The following CCDC7 variants were observed in gnomAD, a reference collection of about 807,000 sequenced individuals.
The protein encoded by CCDC7 is coiled-coil domain-containing protein 7.
Under a neutral mutation model 196.9 loss-of-function variants are expected in CCDC7, and 183 were observed. The ratio of observed to expected loss-of-function variants is 0.93; its 90% CI spans 0.82 to 1.05. The LOEUF (loss-of-function observed/expected upper bound fraction) is 1.05. Ranked by LOEUF, CCDC7 falls within the 50% of genes least tolerant of loss-of-function variation. The pLI is 0.00. For synonymous variants in CCDC7, 525 were observed against 484.6 expected (o/e 1.08, Z -1.10); for missense variants, 1,540 against 1,482.2 (o/e 1.04, Z -0.64).
intron 37 of CCDC7, 90 bp downstream of exon 38, chr10:32,846,549 C>T (rs939068572): frequency 5.4e-6 from 4 of 739,560 alleles, no homozygotes; most frequent in African/African-American, 3.5e-5. Flanking sequence ...ACAATAGTGC[C>T]TACATGTTAG....
chr10:32,605,365 G>T (rs1394913279), intron 18 of CCDC7, among the ~76,000 whole-genome samples: 1 of 152,180 alleles, frequency 6.6e-6, no homozygotes, highest in Non-Finnish European at 1.5e-5. Flanking sequence ...ATGGGGCGTT[G>T]CTACAAAGAT....
At position 32,848,538 on chromosome 10, in the gene CCDC7, T is replaced by A. The variant is rs1297659947; in HGVS notation, c.3773-58T>A. The stretch of plus-strand genomic sequence containing the variant: ...TAAAGACAAATACGTGGAGATGGGA[T>A]TAGTGTGTGAATAGTCAAGAGTATT... On this transcript the variant is annotated intron_variant, in intron 38 of 41. Coordinates refer to ENST00000639629, the Ensembl canonical transcript of CCDC7. 7.2e-6 allele frequency: 9 copies of A among 1,247,778 alleles called. 1 individual carries two copies. The Admixed American group carries it at 1.8e-4, about 25-fold the overall frequency. 77.3% of individuals were successfully genotyped at this position (1,247,778 alleles called of 1,614,324 possible).
intron 33 of CCDC7, among the ~76,000 whole-genome samples, chr10:32,837,915 G>A (rs1171402795): frequency 7.3e-6 from 1 of 136,440 alleles, no homozygotes; most frequent in Non-Finnish European, 1.6e-5. Flanking sequence ...TCACACACCG[G>A]GGCTTGTTGT....
chr10:32,796,483 C>G (rs187274897), intron 29 of CCDC7, among the ~76,000 whole-genome samples: 6 of 152,136 alleles, frequency 3.9e-5, no homozygotes, highest in African/African-American at 1.4e-4. Context: ...TTCTATCTCC[C>G]AAATATAGTA....
At chr10:32,661,297 G>T (rs1270190756) in intron 20 of CCDC7, among the ~76,000 whole-genome samples, 1 of 150,278 alleles carries the variant, frequency 6.7e-6, no homozygotes, top group Non-Finnish European at 1.5e-5. Flanking sequence ...AGTTAGAATG[G>T]CAATCATTAA....
At chr10:32,671,702 C>T (rs2074088395) in intron 21 of CCDC7, among the ~76,000 whole-genome samples, 1 of 152,122 alleles carries the variant, frequency 6.6e-6, no homozygotes, top group African/African-American at 2.4e-5. Flanking sequence ...GCAGTCACCT[C>T]TTGTAGCCTC....
Position 32,537,490 on chromosome 10 carries a change from T to C in CCDC7, c.994-5810T>C, listed in dbSNP as rs893048485. Among the ~76,000 whole-genome samples, 4 of 152,212 alleles carry C rather than the reference T, an allele frequency of 2.6e-5. No homozygotes were observed. In the South Asian group the frequency reaches 8.3e-4, roughly 32 times the overall value. ...ATAGTTTCTTTTGTTATGCAGAAGC[T>C]CTTTAGTTTGGATCTCATTTGTTAA... On this transcript the variant is annotated intron_variant, in intron 11 of 41. Transcript: ENST00000639629.
chr10:32,568,008 T>TGA, intron 15 of CCDC7, 117 bp downstream of exon 16: 1 of 679,478 alleles, frequency 1.5e-6, no homozygotes, highest in Non-Finnish European at 2.0e-6. Flanking sequence ...GTTTTTGGGT[T>TGA]TTTTTTTTTT....
intron 20 of CCDC7, among the ~76,000 whole-genome samples, chr10:32,637,159 T>G (rs2065808952): frequency 6.6e-6 from 1 of 152,198 alleles, no homozygotes; most frequent in African/African-American, 2.4e-5. Flanking sequence ...ATTGCAAAAG[T>G]TTTCTCCCAT....
chr10:32,657,715 G>C (rs1291772032), intron 20 of CCDC7, among the ~76,000 whole-genome samples: 2 of 152,200 alleles, frequency 1.3e-5, no homozygotes, highest in African/African-American at 4.8e-5. Flanking sequence ...CATTGTCTTG[G>C]TGATTAACAT....
chr10:32,563,386 G>C (rs568963858), intron 13 of CCDC7, among the ~76,000 whole-genome samples: 7 of 152,082 alleles, frequency 4.6e-5, no homozygotes, highest in East Asian at 1.9e-4. Context: ...ATCATGCTAC[G>C]TGACTTCCAA....
At chr10:32,711,589 A>G (rs370711264) in intron 24 of CCDC7, 31 bp from the exon 26 acceptor site, 60 of 1,321,888 alleles carry the variant, frequency 4.5e-5, no homozygotes, top group Non-Finnish European at 5.8e-5. Flanking sequence ...TTGTTTTTCT[A>G]GTAAGGGACT....
At chr10:32,797,312 A>G (rs1049512758) in intron 29 of CCDC7, among the ~76,000 whole-genome samples, 6 of 151,628 alleles carry the variant, frequency 4.0e-5, no homozygotes, top group African/African-American at 1.5e-4. Flanking sequence ...TATAATATAT[A>G]TCATGGAATA....
intron 18 of CCDC7, among the ~76,000 whole-genome samples, chr10:32,605,134 A>T (rs1248843521): frequency 6.6e-6 from 1 of 151,558 alleles, no homozygotes; most frequent in Admixed American, 6.6e-5. Context: ...CATTACTTCC[A>T]CTCTCTCTAT....
At chr10:32,786,313 C>T (rs185451530) in intron 29 of CCDC7, among the ~76,000 whole-genome samples, 22 of 152,222 alleles carry the variant, frequency 1.4e-4, no homozygotes, top group Admixed American at 1.4e-3. Flanking sequence ...TAGCATCACC[C>T]CTTTTAATAT....
At chr10:32,447,145 T>C (rs530349326), upstream of CCDC7, among the ~76,000 whole-genome samples, 15 of 152,334 alleles carry the variant, frequency 9.8e-5, no homozygotes, top group African/African-American at 3.4e-4. Context: ...AATTCATTGT[T>C]CCTACTTCCT....
At chr10:32,509,528 A>AC (rs922131439) in intron 9 of CCDC7, among the ~76,000 whole-genome samples, 5 of 151,816 alleles carry the variant, frequency 3.3e-5, no homozygotes, top group African/African-American at 1.2e-4. Context: ...AAAAAAAAAA[A>AC]AACAGGAAAA....
intron 11 of CCDC7, among the ~76,000 whole-genome samples, chr10:32,528,813 A>G (rs564926894): frequency 7.4e-6 from 1 of 134,594 alleles, no homozygotes; most frequent in Admixed American, 7.4e-5. Context: ...ATATATTTAT[A>G]TTTTCTTTAT....
intron 16 of CCDC7, among the ~76,000 whole-genome samples, chr10:32,578,886 A>G (rs557141108): frequency 2.2e-4 from 33 of 152,152 alleles, no homozygotes; most frequent in Admixed American, 1.0e-3. Context: ...TGGATCATTT[A>G]AAGTTATCTT....
Sources: allele counts gnomAD v4.1 joint callset (sites outside exome capture counted in the v4.1 genomes callset), GRCh38; gene constraint gnomAD v4.1.1; transcripts MANE v1.5; gene names NCBI Gene and HGNC (gene_info 2026-07-23, HGNC 2026-07-21).